ASL: variants seen among roughly 807,000 people sequenced by gnomAD.
ASL encodes the protein argininosuccinate lyase.
A neutral mutation model predicts 69.1 loss-of-function variants in ASL; 51 were observed. The observed-to-expected ratio is 0.74, with a 90% confidence interval of 0.59 to 0.93. The LOEUF is 0.93. Ranked by LOEUF, ASL falls within the 40% of genes least tolerant of loss-of-function variation. ASL has a pLI of 0.00. For missense variants in ASL, 540 were observed against 623.9 expected (o/e 0.87, Z 1.43); for synonymous variants, 241 against 247.6 (o/e 0.97, Z 0.25).
In ASL at chr7:66,089,656, C is replaced by T. The variant is rs530889593; in HGVS notation, c.1023C>T (p.Ala341=). The T allele has an allele frequency of 3.7e-5, 59 of 1,613,860 alleles. No individual in the cohort carries two copies. The highest frequency in any genetic ancestry group is 1.5e-4 in the Admixed American group (9 of 60,008). ...AVFEVSDTMS[A]VLQVATGVIS... ...TTGAAGTGTCAGACACTATGAGTGC[C>T]GTGCTCCAGGTGGCCACTGGCGTCA... The change falls in exon 14 of 17, where the codon GCC becomes GCT. Residue 341 remains alanine (A), a synonymous_variant. Transcript: ENST00000304874.
Position 66,089,158 on chromosome 7 carries a change from G to T in ASL, c.901G>T (p.Gly301Trp). Residue 301 changes from glycine (G) to tryptophan (W), a missense_variant, in exon 12 of 17, where the codon GGG becomes TGG. Transcript: ENST00000304874. ...TTTGGAGCTGATCCGGAGCAAGGCT[G>T]GGCGTGTGTTTGGGCGGGTGAGCAA... Reference protein sequence around the residue: ...DSLELIRSKAGRVFGRCAGLL... With the variant: ...DSLELIRSKAWRVFGRCAGLL... 6.2e-7 allele frequency: 1 copy of T among 1,614,014 alleles called. No homozygotes were observed. The highest frequency in any genetic ancestry group is 1.3e-5 in the African/African-American group (1 of 75,064).
At chr7:66,081,579 CAA>C (rs113517237) in intron 2 of ASL, among the ~76,000 whole-genome samples, 24 of 115,168 alleles carry the variant, frequency 2.1e-4, no homozygotes, top group Admixed American at 4.6e-4. Flanking sequence ...GACTCTGTCT[CAA>C]AAAAAAAAAA....
intron 2 of ASL, among the ~76,000 whole-genome samples, chr7:66,079,417 C>T (rs369196253): frequency 2.4e-4 from 37 of 151,984 alleles, no homozygotes; most frequent in African/African-American, 8.9e-4. Context: ...GTGTTCTGTA[C>T]CCCCTCCCCA....
At chr7:66,085,631 G>A (rs982611605) in intron 6 of ASL, among the ~76,000 whole-genome samples, 60 of 149,202 alleles carry the variant, frequency 4.0e-4, no homozygotes, top group African/African-American at 1.4e-3. Context: ...TTTTTGAGAC[G>A]GAGTCTCGCT....
chr7:66,086,605 C>G lies in ASL; in HGVS notation c.467C>G (p.Pro156Arg), dbSNP rs769017508. 2 of 1,613,872 alleles carry G rather than the reference C, an allele frequency of 1.2e-6. No homozygotes were observed. Among genetic ancestry groups the G allele is most frequent in the Non-Finnish European group, 1.7e-6 (2 of 1,180,020 alleles). ...CACAGGGAACGTGATGTTCTCTTCC[C>G]GGGGTACACCCATTTGCAGAGGGCC... ...RAEAERDVLF[P>R]GYTHLQRAQP... The change falls in exon 7 of 17, where the codon CCG becomes CGG. Residue 156 changes from proline to arginine, a missense_variant. Pro to Arg is a moderately radical substitution (Grantham distance 103, BLOSUM62 -2). Coordinates refer to ENST00000304874, the MANE Select transcript of ASL (RefSeq NM_000048.4).
intron 14 of ASL, among the ~76,000 whole-genome samples, chr7:66,090,225 A>G (rs934412853): frequency 6.6e-6 from 1 of 152,186 alleles, no homozygotes; most frequent in African/African-American, 2.4e-5. Context: ...ACCACAGAGT[A>G]AAACTCCATC....
chr7:66,084,272 G>A (rs1392441841), intron 6 of ASL, among the ~76,000 whole-genome samples: 3 of 151,158 alleles, frequency 2.0e-5, no homozygotes, highest in African/African-American at 7.3e-5. Context: ...TGATTCTAGT[G>A]CCTCAGCCTC....
At chr7:66,089,484 C>T (rs1228297210) in intron 13 of ASL, 128 bp from the exon 14 acceptor site, 21 of 1,431,042 alleles carry the variant, frequency 1.5e-5, no homozygotes, top group East Asian at 4.9e-5. Context: ...TCTGCCCTTC[C>T]TTTGTTGGGG....
In ASL at chr7:66,081,939, A is replaced by G; in HGVS notation, c.149A>G (p.Glu50Gly). ...AGCAAAGCCTACAGCAGGGGCCTGGAGAAGGCAGGGCTCCTCACCAAGGCC... is the reference window on the plus strand; with the variant it reads ...AGCAAAGCCTACAGCAGGGGCCTGGGGAAGGCAGGGCTCCTCACCAAGGCC... The part of the protein sequence containing the change: ...QGSKAYSRGL[E>G]KAGLLTKAEM... The change falls in exon 3 of 17, where the codon GAG becomes GGG. Residue 50 changes from glutamate to glycine, a missense_variant. Physicochemically the swap from Glu to Gly is moderately conservative, Grantham distance 98. Coordinates refer to ENST00000304874, the MANE Select transcript of ASL (RefSeq NM_000048.4). The G allele has an allele frequency of 6.2e-7, 1 of 1,613,730 alleles. No individual in the cohort carries two copies. Among genetic ancestry groups the G allele is most frequent in the Non-Finnish European group, 8.5e-7 (1 of 1,179,932 alleles).
intron 6 of ASL, among the ~76,000 whole-genome samples, chr7:66,085,770 G>A (rs891156591): frequency 2.0e-5 from 3 of 152,010 alleles, no homozygotes; most frequent in Non-Finnish European, 4.4e-5. Context: ...CACTACGCCC[G>A]GCTAATTTTT....
At chr7:66,078,338 G>A (rs1470693604) in intron 2 of ASL, among the ~76,000 whole-genome samples, 3 of 152,074 alleles carry the variant, frequency 2.0e-5, no homozygotes, top group Non-Finnish European at 4.4e-5. Context: ...GGTGGGGGCG[G>A]AGGCTGCCTC....
Position 66,088,937 on chromosome 7 carries a change from C to T in ASL, c.833+16C>T, listed in dbSNP as rs949611035. The T allele has an allele frequency of 4.3e-6, 7 of 1,611,438 alleles. No individual in the cohort carries two copies. The highest frequency in any genetic ancestry group is 2.7e-5 in the African/African-American group (2 of 74,898). ...ATGCCTACAGGTAAGCCCTGAACTG[C>T]CACCTCCATCTGCCGCTGCCGGCCT... On this transcript the variant is annotated intron_variant, in intron 11 of 16. Coordinates refer to ENST00000304874, the MANE Select transcript of ASL (RefSeq NM_000048.4).
rs765009028 is a variant in ASL, at chr7:66,087,371, G to C, written c.640G>C (p.Glu214Gln). ...AGGCAATCCCCTGGGTGTGGACCGA[G>C]AGCTGCTCCGAGCAGGTGAGACGTC... ...IAGNPLGVDR[E>Q]LLRAELNFGA... The change falls in exon 9 of 17, where the codon GAG (glutamate) becomes CAG (glutamine). Residue 214 changes from glutamate to glutamine, a missense_variant. Physicochemically the swap from Glu to Gln is conservative, Grantham distance 29. Transcript: ENST00000304874. The C allele has an allele frequency of 6.2e-6, 10 of 1,606,800 alleles. No homozygotes were observed. The highest frequency in any genetic ancestry group is 8.5e-6 in the Non-Finnish European group (10 of 1,179,900).
At chr7:66,087,886 C>A in intron 10 of ASL, 95 bp downstream of exon 10, 1 of 1,506,486 alleles carries the variant, frequency 6.6e-7, no homozygotes, top group Non-Finnish European at 9.2e-7. Flanking sequence ...CACGGACAGG[C>A]TGGTTGTGGT....
intron 6 of ASL, among the ~76,000 whole-genome samples, chr7:66,085,368 C>T (rs750021869): frequency 1.5e-3 from 233 of 152,212 alleles, no homozygotes; most frequent in Admixed American, 3.6e-3. Context: ...GTCCCAGCTA[C>T]TTGGGAGGCA....
chr7:66,092,504 G>T, intron 15 of ASL, 53 bp from the exon 16 acceptor site: 1 of 1,493,098 alleles, frequency 6.7e-7, no homozygotes, highest in Non-Finnish European at 9.2e-7. Context: ...AATGGAGGCA[G>T]ATCAGGGCAT....
At chr7:66,075,931 G>C in intron 1 of ASL, 75 bp downstream of exon 1, 2 of 1,013,092 alleles carry the variant, frequency 2.0e-6, no homozygotes, top group Non-Finnish European at 2.9e-6. Context: ...TCACGTCCGC[G>C]TCCCCAAGGG....
chr7:66,092,741 C>G (rs1786886493), intron 16 of ASL, 27 bp from the exon 17 acceptor site: 3 of 1,613,696 alleles, frequency 1.9e-6, no homozygotes, highest in Non-Finnish European at 1.7e-6. Flanking sequence ...GCCTGGCGCC[C>G]TGGCCCACCT....
At chr7:66,087,243 CGTGTGTGTGTGT>C (rs60055215) in intron 8 of ASL, 79 bp from the exon 9 acceptor site, 1,505 of 976,506 alleles carry the variant, frequency 1.5e-3, no homozygotes, top group East Asian at 6.0e-3. Flanking sequence ...TGTGTGCGTT[CGTGTGTGTGTGT>C]GTGTGTGTGT....
Sources: allele counts gnomAD v4.1 joint callset (sites outside exome capture counted in the v4.1 genomes callset), GRCh38; gene constraint gnomAD v4.1.1; transcripts MANE v1.5; gene names NCBI Gene and HGNC (gene_info 2026-07-23, HGNC 2026-07-21).